The following DIPK1B variants were observed in gnomAD, a reference collection of about 807,000 sequenced individuals.
DIPK1B encodes divergent protein kinase domain 1B.
DIPK1B carries 17 observed loss-of-function variants against 20.7 expected under a neutral mutation model. The ratio of observed to expected loss-of-function variants is 0.82; its 90% confidence interval spans 0.56 to 1.23. DIPK1B has a LOEUF of 1.23. Among genes scored for constraint, DIPK1B ranks in the 50% most tolerant of loss-of-function variants. The pLI is 0.00. For missense variants in DIPK1B, 648 were observed against 601.8 expected, an observed-to-expected ratio of 1.08 and a Z score of -0.80; for synonymous variants, 343 against 276.5, an observed-to-expected ratio of 1.24 and a Z score of -2.39.
intron 2 of DIPK1B, chr9:136,721,042 G>A (rs926010902): frequency 6.6e-6 from 1 of 152,314 alleles, no homozygotes; most frequent in South Asian, 2.1e-4. Context: ...AGGATCTGTC[G>A]TGAGAGCCCC....
At chr9:136,719,541 T>C (rs919672233) in intron 2 of DIPK1B, among the ~76,000 whole-genome samples, 1 of 152,182 alleles carries the variant, frequency 6.6e-6, no homozygotes, top group Non-Finnish European at 1.5e-5. Context: ...GGCCAAGAAC[T>C]AGACCGTGAG....
intron 2 of DIPK1B, among the ~76,000 whole-genome samples, chr9:136,720,277 A>G (rs1315339875): frequency 6.6e-6 from 1 of 151,954 alleles, no homozygotes; most frequent in Non-Finnish European, 1.5e-5. Flanking sequence ...TGCCTTCATG[A>G]CTCACGTGGC....
intron 1 of DIPK1B, among the ~76,000 whole-genome samples, chr9:136,715,321 C>G (rs904443001): frequency 6.6e-5 from 10 of 152,170 alleles, no homozygotes; most frequent in African/African-American, 2.4e-4. Context: ...TGGCATGCAG[C>G]TGTCCCTGGC....
intron 2 of DIPK1B, chr9:136,721,422 A>G (rs1846598685): frequency 6.3e-6 from 1 of 159,442 alleles, no homozygotes; most frequent in Admixed American, 6.2e-5. Context: ...CAGGGGGTGC[A>G]TCCTCCCTCC....
At chr9:136,719,894 GTGA>G in intron 2 of DIPK1B, among the ~76,000 whole-genome samples, 2 of 148,416 alleles carry the variant, frequency 1.3e-5, no homozygotes, top group African/African-American at 5.0e-5. Context: ...CAGGGGCTGT[GTGA>G]TCTGGGGCTC....
At chr9:136,713,552 C>T (rs1846455468) in intron 1 of DIPK1B, among the ~76,000 whole-genome samples, 1 of 152,248 alleles carries the variant, frequency 6.6e-6, no homozygotes, top group African/African-American at 2.4e-5. Context: ...CAGCGAGACC[C>T]TCTGTGCCCA....
chr9:136,712,603 G>C lies in DIPK1B; in HGVS notation c.-63G>C. 3.7e-6 allele frequency: 3 copies of C among 802,640 alleles called. No homozygotes were observed. The highest frequency in any genetic ancestry group is 4.5e-6 in the Non-Finnish European group (3 of 664,208). The allele number at this position is 802,640 out of a possible 1,614,324, so 49.7% of individuals were successfully genotyped here. Reference sequence around the variant, plus strand: ...AGGGAGCGGCGGCCGCTGCGGGCCGGGCCGGGCCGGGGCTGAGGCCGAGCG... The same window carrying C: ...AGGGAGCGGCGGCCGCTGCGGGCCGCGCCGGGCCGGGGCTGAGGCCGAGCG... On this transcript the variant is annotated 5_prime_UTR_variant, in exon 1 of 5. Coordinates refer to ENST00000371692, the MANE Select transcript of DIPK1B (RefSeq NM_152421.4). This position sits in a 1 kb window ranked among gnomAD's most constrained non-coding sequence, Gnocchi z 5.6.
At chr9:136,717,327 A>C (rs1050200321) in intron 1 of DIPK1B, among the ~76,000 whole-genome samples, 8 of 152,052 alleles carry the variant, frequency 5.3e-5, no homozygotes, top group African/African-American at 1.9e-4. Flanking sequence ...AACACTGAAA[A>C]GTCTGGGCAG....
At chr9:136,714,532 A>T (rs2131039271) in intron 1 of DIPK1B, among the ~76,000 whole-genome samples, 1 of 152,224 alleles carries the variant, frequency 6.6e-6, no homozygotes, top group East Asian at 1.9e-4. Flanking sequence ...GGCCCCGCCC[A>T]TGCTGGGCCT....
chr9:136,723,079 C>T lies in DIPK1B; in HGVS notation c.601C>T (p.Leu201=). The change falls in exon 5 of 5, where the codon CTG becomes TTG. Residue 201 remains leucine (L), a synonymous_variant. Transcript: ENST00000371692. Reference sequence around the variant, plus strand: ...GGAAGCCAAGTCCGTGTGGGCCCTGCTGCAGCGTAACGAGTTCCTGCTGCT... The same window carrying T: ...GGAAGCCAAGTCCGTGTGGGCCCTGTTGCAGCGTAACGAGTTCCTGCTGCT... The part of the protein sequence containing the change: ...LAEAKSVWAL[L]QRNEFLLLLS... The T allele has an allele frequency of 6.2e-7, 1 of 1,613,626 alleles. No homozygotes were observed. The highest frequency in any genetic ancestry group is 8.5e-7 in the Non-Finnish European group (1 of 1,180,030).
chr9:136,714,636 C>T lies in DIPK1B; in HGVS notation c.63+1908C>T, dbSNP rs137887672. Among the ~76,000 whole-genome samples the T allele has an allele frequency of 6.6e-3, 1,008 of 152,362 alleles. 22 individuals are homozygous for T. The highest frequency in any genetic ancestry group is 0.022 in the African/African-American group (932 of 41,586). ...ACACCCACCCCCCATTGTTTCTCTG[C>T]TTTCCTGTTTTTCATCTTGAGCAAG... is the stretch of plus-strand genomic sequence containing the variant. On this transcript the variant is annotated intron_variant, in intron 1 of 4. Transcript: ENST00000371692.
chr9:136,716,412 C>T (rs1027386536), intron 1 of DIPK1B, among the ~76,000 whole-genome samples: 5 of 151,558 alleles, frequency 3.3e-5, no homozygotes, highest in Non-Finnish European at 7.4e-5. Flanking sequence ...GGACTACAGG[C>T]GTGAGTCACC....
intron 1 of DIPK1B, among the ~76,000 whole-genome samples, chr9:136,714,368 G>T (rs900764508): frequency 6.6e-6 from 1 of 152,244 alleles, no homozygotes; most frequent in African/African-American, 2.4e-5. Flanking sequence ...ATGAACCAGA[G>T]CTGGCCAGGC....
Position 136,723,496 on chromosome 9 carries a change from T to C in DIPK1B, c.1018T>C (p.Cys340Arg). Residue 340 changes from cysteine (C) to arginine (R), a missense_variant, in exon 5 of 5, where the codon TGC (cysteine) becomes CGC (arginine). By Grantham distance (180) the Cys-to-Arg change is radical. Coordinates refer to ENST00000371692, the MANE Select transcript of DIPK1B (RefSeq NM_152421.4). The part of the protein sequence containing the change: ...QGRRCEHSTD[C>R]TYGRDCRAPC... ...CCGCCGCTGCGAGCACAGCACCGAC[T>C]GCACCTACGGGCGCGACTGCAGGGC... is the stretch of plus-strand genomic sequence containing the variant. 2 of 1,608,682 alleles carry C rather than the reference T, an allele frequency of 1.2e-6. No homozygotes were observed. The highest frequency in any genetic ancestry group is 1.7e-6 in the Non-Finnish European group (2 of 1,177,834).
intron 2 of DIPK1B, chr9:136,721,436 C>T (rs72761013): frequency 0.23 from 36,937 of 162,830 alleles, 4,357 homozygotes; most frequent in African/African-American, 0.27. Context: ...TCCCTCCTGG[C>T]GTCACCCGAG....
At chr9:136,719,387 C>T (rs1469259652) in intron 2 of DIPK1B, among the ~76,000 whole-genome samples, 2 of 152,194 alleles carry the variant, frequency 1.3e-5, no homozygotes, top group Non-Finnish European at 2.9e-5. Context: ...GCCATGGAGA[C>T]GTCCCCTCCT....
At chr9:136,715,517 C>CTT (rs113806770) in intron 1 of DIPK1B, among the ~76,000 whole-genome samples, 24 of 144,310 alleles carry the variant, frequency 1.7e-4, no homozygotes, top group East Asian at 4.0e-4. Context: ...TGCCTGCTTA[C>CTT]TTTTTTTTTT....
Position 136,723,579 on chromosome 9 carries a change from C to T in DIPK1B, c.1101C>T (p.Ala367=), listed in dbSNP as rs951126549. 2.5e-6 allele frequency: 4 copies of T among 1,597,136 alleles called. No individual in the cohort carries two copies. Among genetic ancestry groups the T allele is most frequent in the Non-Finnish European group, 3.4e-6 (4 of 1,172,440 alleles). ...GCGACCTCATCCAGCCCAACCTGGC[C>T]AAGGTGTGCGCACTGCTACGGGGCT... ...CKGDLIQPNL[A]KVCALLRGYL... The change falls in exon 5 of 5, where the codon GCC becomes GCT. Residue 367 remains alanine, a synonymous_variant. Transcript: ENST00000371692.
chr9:136,723,626 C>A lies in DIPK1B; in HGVS notation c.1148C>A (p.Ala383Asp). Residue 383 changes from alanine to aspartate, a missense_variant, in exon 5 of 5, where the codon GCC (alanine) becomes GAC (aspartate). Physicochemically the swap from Ala to Asp is moderately radical, Grantham distance 126. Coordinates refer to ENST00000371692, the MANE Select transcript of DIPK1B (RefSeq NM_152421.4). ...GGCTACCTGCTGCCTGGCGCGCCCGCCGACCTCCGCGAGGAGCTGGGCACA... is the reference window on the plus strand; with the variant it reads ...GGCTACCTGCTGCCTGGCGCGCCCGACGACCTCCGCGAGGAGCTGGGCACA... Reference protein sequence around the residue: ...LRGYLLPGAPADLREELGTQL... With the variant: ...LRGYLLPGAPDDLREELGTQL... 1 of 1,577,976 alleles carries A rather than the reference C, an allele frequency of 6.3e-7. No individual in the cohort carries two copies. The highest frequency in any genetic ancestry group is 2.3e-5 in the East Asian group (1 of 43,016).
Sources: allele counts gnomAD v4.1 joint callset (sites outside exome capture counted in the v4.1 genomes callset), GRCh38; gene constraint gnomAD v4.1.1; non-coding constraint Gnocchi (gnomAD v3.1); transcripts MANE v1.5; gene names NCBI Gene and HGNC (gene_info 2026-07-23, HGNC 2026-07-21).